Variants in SEMA4G observed in about 807,000 individuals in gnomAD.
SEMA4G encodes the protein semaphorin 4G, also known as semaphorin-4G.
In SEMA4G, 59 loss-of-function variants were observed where a neutral mutation model predicts 81.2. The ratio of observed to expected loss-of-function variants is 0.73; its 90% CI spans 0.59 to 0.90. SEMA4G has a LOEUF of 0.90. Among genes scored for constraint, SEMA4G ranks in the 40% least tolerant of loss-of-function variants. The pLI is 0.00. For missense variants in SEMA4G, 952 were observed against 1,102.3 expected, an observed-to-expected ratio of 0.86 and a Z score of 1.93; for synonymous variants, 404 against 433.9, an observed-to-expected ratio of 0.93 and a Z score of 0.86.
chr10:100,982,794 A>AAAAAC (rs1397756903), intron 13 of SEMA4G, among the ~76,000 whole-genome samples: 3 of 152,348 alleles, frequency 2.0e-5, no homozygotes, highest in Admixed American at 6.5e-5. Context: ...TCCGTCTCAA[A>AAAAAC]AAAACAAAAC....
chr10:100,984,649 G>C (rs1851335052), exon 14 of SEMA4G: 1 of 1,536,160 alleles, frequency 6.5e-7, no homozygotes, highest in Non-Finnish European at 8.7e-7. Context: ...GGGCTGCAGT[G>C]CCCCCACCCT....
intron 6 of SEMA4G, 99 bp from the exon 8 acceptor site, chr10:100,978,750 T>C (rs1850914660): frequency 6.4e-7 from 1 of 1,563,572 alleles, no homozygotes; most frequent in African/African-American, 1.3e-5. Context: ...AGCCTGTCCA[T>C]TCCATTCCTG....
chr10:100,980,949 A>C, exon 12 of SEMA4G: 1 of 1,608,538 alleles, frequency 6.2e-7, no homozygotes, highest in South Asian at 1.1e-5. Flanking sequence ...CCTGGCACCC[A>C]TGCCTGCGCA....
At chr10:100,983,124 T>C (rs945274944) in intron 13 of SEMA4G, among the ~76,000 whole-genome samples, 181 bp from the exon 15 acceptor site, 1 of 152,212 alleles carries the variant, frequency 6.6e-6, no homozygotes, top group Non-Finnish European at 1.5e-5. Context: ...CACTGCCTGC[T>C]TCCTGGGAAG....
At chr10:100,974,124 TC>T (rs1429998061) in intron 3 of SEMA4G, among the ~76,000 whole-genome samples, 1 of 152,008 alleles carries the variant, frequency 6.6e-6, no homozygotes, top group Non-Finnish European at 1.5e-5. Flanking sequence ...TACTAGTTTG[TC>T]CCGCAGTGGC....
rs1564797037 is a variant in SEMA4G at position 100,980,334 on chromosome 10, T to C, written c.1341T>C (p.Phe447=). 3 of 1,613,982 alleles carry C rather than the reference T, an allele frequency of 1.9e-6. No homozygotes were observed. The African/African-American group carries it at 4.0e-5, about 22-fold the overall frequency. Residue 447 remains phenylalanine, a synonymous_variant, in exon 10 of 14, where the codon TTT becomes TTC. Coordinates refer to ENST00000370250, the Ensembl canonical transcript of SEMA4G. Reference sequence around the variant, plus strand: ...CTGGACCTACCTATGACCTGCTCTTTCTGGGCACAGGTGCTTCTGATCCCA... The same window carrying C: ...CTGGACCTACCTATGACCTGCTCTTCCTGGGCACAGGTGCTTCTGATCCCA...
intron 4 of SEMA4G, 65 bp downstream of exon 5, chr10:100,977,795 T>C: frequency 7.3e-7 from 1 of 1,371,132 alleles, no homozygotes; most frequent in Non-Finnish European, 1.0e-6. Context: ...ATGTTCAAGA[T>C]GCCAAAGAAG....
In SEMA4G at chr10:100,973,649, T is replaced by G; in HGVS notation, c.336+40T>G. 6.3e-7 allele frequency: 1 copy of G among 1,584,124 alleles called. No homozygotes were observed. The highest frequency in any genetic ancestry group is 8.7e-7 in the Non-Finnish European group (1 of 1,154,154). ...CTGTCCCCAGCTCCTTTCCTCCCCT[T>G]CTTCCTCAATCAGGGATGCCAGGAT... is the stretch of plus-strand genomic sequence containing the variant. On this transcript the variant is annotated intron_variant, in intron 3 of 13. Coordinates refer to ENST00000370250, the Ensembl canonical transcript of SEMA4G. The surrounding 1 kb of genome is among the most constrained non-coding windows in gnomAD (Gnocchi z 5.5).
chr10:100,983,850 G>A (rs1851270194), exon 14 of SEMA4G: 5 of 1,590,034 alleles, frequency 3.1e-6, no homozygotes, highest in Admixed American at 1.8e-5. Flanking sequence ...TGATGAGGGG[G>A]CTGGGGGCCT....
chr10:100,979,361 G>A lies in SEMA4G; in HGVS notation c.983+90G>A, dbSNP rs201261693. 1.6e-4 allele frequency: 261 copies of A among 1,605,778 alleles called. 1 individual carries two copies. The East Asian group carries it at 3.9e-3, about 24-fold the overall frequency. ...ATGAGGATGAGATAGGATCCACTGTGGGGAGGTCTGGCTGCAAAGTGAGAA... is the reference window on the plus strand; with the variant it reads ...ATGAGGATGAGATAGGATCCACTGTAGGGAGGTCTGGCTGCAAAGTGAGAA... On this transcript the variant is annotated intron_variant, in intron 8 of 13. Transcript: ENST00000370250.
chr10:100,972,673 CCTT>C lies in SEMA4G; in HGVS notation c.-237_-235del, dbSNP rs1330691442. ...GCAGAAAGGCATGTGATCCCTCCCT[CCTT>C]CTGACCTCTTAGCTGGGGATTCCAT... is the stretch of plus-strand genomic sequence containing the variant. On this transcript the variant is annotated 5_prime_UTR_variant, in exon 1 of 14. It introduces an in-frame stop codon into an upstream open reading frame of the 5' UTR. Coordinates refer to ENST00000370250, the Ensembl canonical transcript of SEMA4G. 1 of 495,282 alleles carries C rather than the reference CCTT, an allele frequency of 2.0e-6. No homozygotes were observed. Among genetic ancestry groups the C allele is most frequent in the Admixed American group, 3.8e-5 (1 of 26,176 alleles). The allele number at this position is 495,282 out of a possible 1,614,324, so 30.7% of individuals were successfully genotyped here.
intron 13 of SEMA4G, 128 bp from the exon 15 acceptor site, chr10:100,983,177 G>A: frequency 8.8e-7 from 1 of 1,142,734 alleles, no homozygotes; most frequent in East Asian, 2.6e-5. Context: ...ACAGAGCCTG[G>A]GTCAGCTGTC....
exon 14 of SEMA4G, chr10:100,983,894 G>C: frequency 6.5e-7 from 1 of 1,538,932 alleles, no homozygotes; most frequent in South Asian, 1.2e-5. Context: ...TCCCTGGGGA[G>C]GGAGCCCCAG....
At chr10:100,978,622 C>T in exon 6 of SEMA4G, 4 of 1,613,934 alleles carry the variant, frequency 2.5e-6, no homozygotes, top group Non-Finnish European at 3.4e-6. Flanking sequence ...TGAGGAGACA[C>T]CAATGCATTG....
At chr10:100,978,860 G>C in exon 7 of SEMA4G, 1 of 1,614,014 alleles carries the variant, frequency 6.2e-7, no homozygotes, top group Non-Finnish European at 8.5e-7. Flanking sequence ...TGCGGAGTTT[G>C]TGTTCTCCGT....
At chr10:100,977,809 C>T in intron 4 of SEMA4G, 79 bp downstream of exon 5, 1 of 1,242,898 alleles carries the variant, frequency 8.0e-7, no homozygotes, top group East Asian at 2.3e-5. Context: ...AAAGAAGAGA[C>T]TCAGAGCCAG....
At chr10:100,980,941 T>G (rs771261070) in exon 12 of SEMA4G, 1 of 1,610,326 alleles carries the variant, frequency 6.2e-7, no homozygotes, top group Admixed American at 1.7e-5. Context: ...GCTGGGACCC[T>G]GGCACCCATG....
Position 100,973,299 on chromosome 10 carries a change from C to T in SEMA4G, c.273+22C>T. 1 of 1,611,046 alleles carries T rather than the reference C, an allele frequency of 6.2e-7. No individual in the cohort carries two copies. Among genetic ancestry groups the T allele is most frequent in the East Asian group, 2.2e-5 (1 of 44,878 alleles). Reference sequence around the variant, plus strand: ...AGAGGTCAGGCCCTGGAACCTGGACCACCCAGAGGGTCTCTATGCTTATCC... The same window carrying T: ...AGAGGTCAGGCCCTGGAACCTGGACTACCCAGAGGGTCTCTATGCTTATCC... On this transcript the variant is annotated intron_variant, in intron 2 of 13. Transcript: ENST00000370250. The surrounding 1 kb of genome is among the most constrained non-coding windows in gnomAD (Gnocchi z 5.5).
At chr10:100,970,988 C>A (rs536953776), upstream of SEMA4G, among the ~76,000 whole-genome samples, 10 of 152,326 alleles carry the variant, frequency 6.6e-5, no homozygotes, top group South Asian at 1.9e-3. Context: ...TTCAACGTCA[C>A]ATGTGAATAT....
Sources: allele counts gnomAD v4.1 joint callset (sites outside exome capture counted in the v4.1 genomes callset), GRCh38; gene constraint gnomAD v4.1.1; non-coding constraint Gnocchi (gnomAD v3.1); transcripts MANE v1.5; gene names NCBI Gene and HGNC (gene_info 2026-07-23, HGNC 2026-07-21).